VTI1A: variants seen among roughly 807,000 people sequenced by gnomAD.
The protein encoded by VTI1A is vesicle transport through interaction with t-SNAREs 1A, also known as vesicle transport through interaction with t-SNAREs homolog 1A.
In VTI1A, 22 loss-of-function variants were observed where a neutral mutation model predicts 34.9. The ratio of observed to expected loss-of-function variants is 0.63; its 90% confidence interval spans 0.45 to 0.90. VTI1A has a LOEUF of 0.90. Among genes scored for constraint, VTI1A ranks in the 40% least tolerant of loss-of-function variants. The probability of loss-of-function intolerance (pLI) is 0.00; values close to 1 mark genes in which losing one functional copy is unlikely to be tolerated. For missense variants in VTI1A, 268 were observed against 275.6 expected (o/e 0.97, Z 0.20); for synonymous variants, 87 against 97.3 (o/e 0.89, Z 0.62).
chr10:112,848,242 C>A, the VTI1A span, among the ~76,000 whole-genome samples: 1 of 152,198 alleles, frequency 6.6e-6, no homozygotes, highest in Non-Finnish European at 1.5e-5. Context: ...ACCTGCCCAA[C>A]CAGTTCTTTG....
chr10:112,488,116 A>C (rs189175302), intron 3 of VTI1A, among the ~76,000 whole-genome samples: 41 of 152,334 alleles, frequency 2.7e-4, no homozygotes, highest in African/African-American at 9.6e-4. Context: ...TAATTTAAAC[A>C]TGTTCCTTAT....
At chr10:112,519,983 G>A (rs570353477) in intron 3 of VTI1A, among the ~76,000 whole-genome samples, 1 of 152,102 alleles carries the variant, frequency 6.6e-6, no homozygotes, top group African/African-American at 2.4e-5. Context: ...CTTTGTTGCA[G>A]TAGTTTATTT....
intron 7 of VTI1A, among the ~76,000 whole-genome samples, chr10:112,763,418 T>A (rs909769593): frequency 7.1e-6 from 1 of 141,580 alleles, no homozygotes; most frequent in African/African-American, 2.7e-5. Flanking sequence ...CAGCCTGGGC[T>A]ACAGAGCGAG....
intron 7 of VTI1A, among the ~76,000 whole-genome samples, chr10:112,728,354 A>T (rs1850121163): frequency 1.3e-5 from 2 of 152,268 alleles, no homozygotes; most frequent in South Asian, 4.1e-4. Context: ...TAAGTGAGCT[A>T]TAAATTTTGT....
intron 3 of VTI1A, among the ~76,000 whole-genome samples, chr10:112,475,810 CTGTT>C (rs1848257343): frequency 6.6e-6 from 1 of 152,132 alleles, no homozygotes; most frequent in Non-Finnish European, 1.5e-5. Flanking sequence ...CTAGATGGCA[CTGTT>C]TGTTTGCAGA....
At chr10:112,824,828 C>A in the VTI1A span, 1 of 152,266 alleles carries the variant, frequency 6.6e-6, no homozygotes, top group African/African-American at 2.4e-5. Flanking sequence ...TAGAAAATCT[C>A]TCAGGAAGGT....
chr10:112,655,744 G>A (rs1375744905), intron 5 of VTI1A, among the ~76,000 whole-genome samples: 1 of 152,156 alleles, frequency 6.6e-6, no homozygotes, highest in Non-Finnish European at 1.5e-5. Flanking sequence ...CCAGGGCCAG[G>A]TATTTTGGAC....
downstream of VTI1A, among the ~76,000 whole-genome samples, chr10:112,821,140 G>A (rs1293407381): frequency 6.6e-6 from 1 of 152,208 alleles, no homozygotes; most frequent in East Asian, 1.9e-4. Flanking sequence ...AGGAAGCAGA[G>A]CTCTGGACTG....
chr10:112,660,145 G>C (rs1196953652), intron 5 of VTI1A, among the ~76,000 whole-genome samples: 5 of 152,144 alleles, frequency 3.3e-5, no homozygotes, highest in Non-Finnish European at 5.9e-5. Context: ...CTGTCACCCA[G>C]GTTGGAGTGC....
rs140252792 is a variant in VTI1A, at chr10:112,538,330, G to A, written c.427G>A (p.Glu143Lys). 20 of 1,613,198 alleles carry A rather than the reference G, an allele frequency of 1.2e-5. No homozygotes were observed. Among genetic ancestry groups the A allele is most frequent in the East Asian group, 4.5e-5 (2 of 44,870 alleles). Residue 143 changes from glutamate (E) to lysine (K), a missense_variant and splice_region_variant, in exon 5 of 8, where the codon GAG becomes AAG. Coordinates refer to ENST00000393077, the MANE Select transcript of VTI1A (RefSeq NM_145206.4). ...TGGATACCAAATAGCAGTGGAAACCGGTAAGAATTCTGAGAGTGAGCAAAT... is the reference window on the plus strand; with the variant it reads ...TGGATACCAAATAGCAGTGGAAACCAGTAAGAATTCTGAGAGTGAGCAAAT... ...EAGYQIAVET[E>K]QIGQEMLENL...
intron 7 of VTI1A, among the ~76,000 whole-genome samples, chr10:112,706,414 ATG>A (rs1849200421): frequency 6.6e-6 from 1 of 152,198 alleles, no homozygotes; most frequent in Non-Finnish European, 1.5e-5. Flanking sequence ...AAGTTAATCA[ATG>A]TGTGCTAATT....
At chr10:112,736,111 G>GTAAATATATATATATATA (rs1850453692) in intron 7 of VTI1A, among the ~76,000 whole-genome samples, 4 of 116,224 alleles carry the variant, frequency 3.4e-5, no homozygotes, top group African/African-American at 1.5e-4. Flanking sequence ...ATGTGTGTGT[G>GTAAATATATATATATATA]TATATATATA....
At chr10:112,738,913 A>G (rs1424237244) in intron 7 of VTI1A, among the ~76,000 whole-genome samples, 5 of 152,166 alleles carry the variant, frequency 3.3e-5, no homozygotes, top group Non-Finnish European at 7.4e-5. Flanking sequence ...ACCTAGCCGC[A>G]TGATCCCGCA....
intron 5 of VTI1A, among the ~76,000 whole-genome samples, chr10:112,650,285 C>T (rs1187294183): frequency 6.6e-6 from 1 of 151,944 alleles, no homozygotes; most frequent in African/African-American, 2.4e-5. Context: ...CATACATTAA[C>T]CTAAGCCTAC....
At chr10:112,564,857 A>G (rs927520371) in intron 5 of VTI1A, among the ~76,000 whole-genome samples, 1 of 152,194 alleles carries the variant, frequency 6.6e-6, no homozygotes, top group Non-Finnish European at 1.5e-5. Flanking sequence ...AAACTTTAGT[A>G]GTAGCAATGA....
intron 7 of VTI1A, among the ~76,000 whole-genome samples, chr10:112,765,931 G>A (rs1250999928): frequency 6.6e-6 from 1 of 152,194 alleles, no homozygotes; most frequent in Non-Finnish European, 1.5e-5. Context: ...ACCTTGACAG[G>A]AGTCCAAGGC....
the VTI1A span, chr10:112,831,408 C>T: frequency 4.9e-4 from 74 of 152,208 alleles, no homozygotes; most frequent in Non-Finnish European, 8.8e-4. Flanking sequence ...ATTCCTGGCG[C>T]ATCAGGTGCT....
intron 7 of VTI1A, among the ~76,000 whole-genome samples, chr10:112,810,475 T>C (rs934476812): frequency 6.6e-6 from 1 of 151,928 alleles, no homozygotes; most frequent in Non-Finnish European, 1.5e-5. Context: ...CTCTGCCCAC[T>C]GTGGGTCAGC....
chr10:112,631,777 A>G (rs1244491550), intron 5 of VTI1A, among the ~76,000 whole-genome samples: 1 of 152,206 alleles, frequency 6.6e-6, no homozygotes, highest in Admixed American at 6.5e-5. Context: ...CTTCAGTTCA[A>G]GTAAGTGTGA....
Sources: allele counts gnomAD v4.1 joint callset (sites outside exome capture counted in the v4.1 genomes callset), GRCh38; gene constraint gnomAD v4.1.1; transcripts MANE v1.5; gene names NCBI Gene and HGNC (gene_info 2026-07-23, HGNC 2026-07-21).